The following NFIL3 variants were observed in gnomAD, a reference collection of about 807,000 sequenced individuals.
The protein encoded by NFIL3 is nuclear factor, interleukin 3 regulated, also known as nuclear factor interleukin-3-regulated protein.
A neutral mutation model predicts 10.0 loss-of-function variants in NFIL3; 5 were observed. The ratio of observed to expected loss-of-function variants is 0.50; its 90% CI spans 0.26 to 1.06. NFIL3 has a LOEUF of 1.06. Ranked by LOEUF, NFIL3 falls within the 50% of genes least tolerant of loss-of-function variation. The probability of loss-of-function intolerance (pLI) is 0.13; values close to 1 mark genes in which losing one functional copy is unlikely to be tolerated. For missense variants in NFIL3, 436 were observed against 547.6 expected (o/e 0.80, Z 2.03); for synonymous variants, 202 against 206.5 (o/e 0.98, Z 0.19).
At chr9:91,436,612 A>ACAG in the NFIL3 span, among the ~76,000 whole-genome samples, 1 of 150,052 alleles carries the variant, frequency 6.7e-6, no homozygotes, top group African/African-American at 2.5e-5. Context: ...AACAACAACA[A>ACAG]CAACAACAAA....
intron 1 of NFIL3, among the ~76,000 whole-genome samples, chr9:91,419,776 C>G (rs1833723681): frequency 1.3e-5 from 2 of 152,242 alleles, no homozygotes; most frequent in African/African-American, 4.8e-5. Context: ...CGATGCCTAT[C>G]AGTTCCAGGC....
At chr9:91,432,144 T>C in the NFIL3 span, among the ~76,000 whole-genome samples, 2 of 152,246 alleles carry the variant, frequency 1.3e-5, no homozygotes, top group East Asian at 1.9e-4. Context: ...CCCCATGATG[T>C]AGGGTAGTTG....
chr9:91,456,138 C>T, the NFIL3 span, among the ~76,000 whole-genome samples: 1 of 152,010 alleles, frequency 6.6e-6, no homozygotes, highest in Non-Finnish European at 1.5e-5. Context: ...AATATTATTC[C>T]ACTGTATGGA....
chr9:91,458,495 C>T, the NFIL3 span, among the ~76,000 whole-genome samples: 1 of 151,972 alleles, frequency 6.6e-6, no homozygotes, highest in African/African-American at 2.4e-5. Flanking sequence ...TCACCTCTCT[C>T]CTTCTTGATA....
At chr9:91,430,159 C>T in the NFIL3 span, among the ~76,000 whole-genome samples, 1 of 152,112 alleles carries the variant, frequency 6.6e-6, no homozygotes, top group Non-Finnish European at 1.5e-5. Flanking sequence ...TATGTGTGTG[C>T]GTGTCCATAT....
chr9:91,412,737 G>A (rs1003447585), intron 1 of NFIL3, among the ~76,000 whole-genome samples: 3 of 151,910 alleles, frequency 2.0e-5, no homozygotes, highest in African/African-American at 7.3e-5. Flanking sequence ...CCAGCTACTC[G>A]GGAGGCTGAG....
At chr9:91,434,761 A>G in the NFIL3 span, among the ~76,000 whole-genome samples, 1 of 152,212 alleles carries the variant, frequency 6.6e-6, no homozygotes, top group Non-Finnish European at 1.5e-5. Context: ...ATAATTTTCG[A>G]AAAAAATCAA....
chr9:91,438,031 G>A, the NFIL3 span, among the ~76,000 whole-genome samples: 1 of 152,148 alleles, frequency 6.6e-6, no homozygotes, highest in African/African-American at 2.4e-5. Context: ...GCCCAGAAAG[G>A]GGGTTGCTGG....
upstream of NFIL3, among the ~76,000 whole-genome samples, chr9:91,426,029 T>G (rs946383346): frequency 6.6e-6 from 1 of 152,210 alleles, no homozygotes; most frequent in Non-Finnish European, 1.5e-5. Flanking sequence ...TAAATGTCTT[T>G]CTTTAAAGAC....
chr9:91,473,709 G>T, the NFIL3 span, among the ~76,000 whole-genome samples: 3 of 152,212 alleles, frequency 2.0e-5, no homozygotes, highest in Non-Finnish European at 2.9e-5. Flanking sequence ...CCCTCCGTGG[G>T]CTGCACCTAC....
the NFIL3 span, among the ~76,000 whole-genome samples, chr9:91,456,645 C>T: frequency 6.6e-6 from 1 of 152,038 alleles, no homozygotes; most frequent in East Asian, 1.9e-4. Flanking sequence ...CAGTGTATGG[C>T]TAGCTTTTCA....
the NFIL3 span, among the ~76,000 whole-genome samples, chr9:91,432,693 T>C: frequency 2.0e-5 from 3 of 152,130 alleles, no homozygotes; most frequent in Non-Finnish European, 4.4e-5. Flanking sequence ...AATTCTGCTG[T>C]GCAAAGGCAG....
At chr9:91,473,581 G>C in the NFIL3 span, among the ~76,000 whole-genome samples, 7 of 152,324 alleles carry the variant, frequency 4.6e-5, no homozygotes, top group African/African-American at 1.7e-4. Context: ...CTATTAGGGC[G>C]GGAGTGTCCC....
the NFIL3 span, among the ~76,000 whole-genome samples, chr9:91,432,280 C>T: frequency 6.6e-6 from 1 of 152,230 alleles, no homozygotes; most frequent in Non-Finnish European, 1.5e-5. Flanking sequence ...TCTGTGCTGT[C>T]TTGGGGCACT....
the NFIL3 span, among the ~76,000 whole-genome samples, chr9:91,438,828 G>C: frequency 3.9e-5 from 6 of 152,076 alleles, no homozygotes; most frequent in Non-Finnish European, 8.8e-5. Flanking sequence ...TACATGTTTG[G>C]ATTTACTTCT....
At chr9:91,430,092 A>G in the NFIL3 span, among the ~76,000 whole-genome samples, 1 of 152,192 alleles carries the variant, frequency 6.6e-6, no homozygotes, top group Non-Finnish European at 1.5e-5. Flanking sequence ...CCAAAAAAGA[A>G]TCAACATACA....
chr9:91,418,892 A>G (rs1331054543), intron 1 of NFIL3, among the ~76,000 whole-genome samples: 1 of 152,028 alleles, frequency 6.6e-6, no homozygotes, highest in Admixed American at 6.5e-5. Context: ...GTTACTTACA[A>G]AGAAATGTGA....
chr9:91,450,323 T>TAA, the NFIL3 span, among the ~76,000 whole-genome samples: 28 of 152,282 alleles, frequency 1.8e-4, no homozygotes, highest in African/African-American at 5.5e-4. Flanking sequence ...TTCCTTCTTT[T>TAA]TAATGTTGGC....
upstream of NFIL3, among the ~76,000 whole-genome samples, chr9:91,425,200 C>T (rs1416175757): frequency 6.6e-6 from 1 of 152,172 alleles, no homozygotes; most frequent in African/African-American, 2.4e-5. Flanking sequence ...TTGCTCCTTT[C>T]GTTTTTAAAA....
Sources: gnomAD v4.1 joint callset for allele counts (sites outside exome capture counted in the v4.1 genomes callset) on GRCh38, gnomAD v4.1.1 for gene constraint, MANE v1.5 for transcripts, NCBI Gene and HGNC (gene_info 2026-07-23, HGNC 2026-07-21) for gene names.